PCSK6: variants seen among roughly 807,000 people sequenced by gnomAD.
PCSK6 encodes the protein paired basic amino acid cleaving enzyme 4.
In PCSK6, 85 loss-of-function variants were observed where a neutral mutation model predicts 123.3. That is an observed-to-expected ratio of 0.69 (90% CI 0.58 to 0.83). PCSK6 has a LOEUF of 0.83. Ranked by LOEUF, PCSK6 falls within the 40% of genes least tolerant of loss-of-function variation. The pLI is 0.00. For missense variants in PCSK6, 1,191 were observed against 1,282.3 expected (o/e 0.93, Z 1.09); for synonymous variants, 508 against 516.0 (o/e 0.98, Z 0.21).
chr15:101,412,714 A>T (rs2132197), intron 6 of PCSK6, among the ~76,000 whole-genome samples: 25,486 of 113,736 alleles, frequency 0.22, 2,786 homozygotes, highest in East Asian at 0.38. Flanking sequence ...TATATATATA[A>T]AATTACCCAA....
At chr15:101,332,126 A>G in intron 13 of PCSK6, 95 bp from the exon 14 acceptor site, 1 of 1,192,484 alleles carries the variant, frequency 8.4e-7, no homozygotes. Flanking sequence ...CTCCCCTGAT[A>G]GCTGGGCTCT....
chr15:101,335,023 G>A (rs542980190), intron 13 of PCSK6, among the ~76,000 whole-genome samples: 5 of 152,278 alleles, frequency 3.3e-5, no homozygotes, highest in African/African-American at 7.2e-5. Flanking sequence ...ACAGTGGTAC[G>A]ATCATGGCTC....
chr15:101,356,505 CAAAAAAA>C (rs34350017), intron 13 of PCSK6, among the ~76,000 whole-genome samples: 19 of 86,244 alleles, frequency 2.2e-4, no homozygotes, highest in Admixed American at 9.0e-4. Context: ...ACTAAAACTA[CAAAAAAA>C]AAAAAAAAAA....
chr15:101,347,180 T>C (rs1340538273), intron 13 of PCSK6: 8 of 1,231,796 alleles, frequency 6.5e-6, no homozygotes, highest in Non-Finnish European at 6.1e-6. Context: ...ACAGAAGGCA[T>C]GTGCTTTAAA....
intron 10 of PCSK6, among the ~76,000 whole-genome samples, chr15:101,382,471 G>A (rs2041938547): frequency 6.6e-6 from 1 of 152,204 alleles, no homozygotes; most frequent in Admixed American, 6.5e-5. Flanking sequence ...CAGAGTAGAA[G>A]TGCTGAGAAG....
intron 11 of PCSK6, among the ~76,000 whole-genome samples, chr15:101,371,736 C>A (rs1015596919): frequency 2.0e-5 from 3 of 152,226 alleles, no homozygotes; most frequent in African/African-American, 7.2e-5. Flanking sequence ...GCCTCCAGGC[C>A]TCGCTGCCTC....
At chr15:101,361,898 A>G (rs1374692074) in intron 13 of PCSK6, among the ~76,000 whole-genome samples, 1 of 151,776 alleles carries the variant, frequency 6.6e-6, no homozygotes, top group Non-Finnish European at 1.5e-5. Context: ...GAAGGAGACA[A>G]AGAAGAATTA....
chr15:101,429,503 C>T (rs2056375010), intron 5 of PCSK6, among the ~76,000 whole-genome samples: 1 of 152,148 alleles, frequency 6.6e-6, no homozygotes, highest in Non-Finnish European at 1.5e-5. Flanking sequence ...GCTCACCCGG[C>T]ATGCACGCAG....
At chr15:101,404,719 G>A (rs1020884541) in intron 6 of PCSK6, among the ~76,000 whole-genome samples, 1 of 152,162 alleles carries the variant, frequency 6.6e-6, no homozygotes, top group East Asian at 1.9e-4. Context: ...CTAAGTTGAG[G>A]CCCTGGCCCC....
rs143846301 is a variant in PCSK6, at chr15:101,408,255, T to G, written c.824-9679A>C. 3.4e-3 allele frequency among the ~76,000 whole-genome samples: 511 copies of G among 152,292 alleles called. 1 individual carries two copies. Among genetic ancestry groups the G allele is most frequent in the African/African-American group, 0.012 (498 of 41,554 alleles). ...GGACACGGACGGCGAAAAGGAGACG[T>G]TCATGCCGCCATGAACAAAGGCCAC... On this transcript the variant is annotated intron_variant, in intron 6 of 21. Transcript: ENST00000611716.
In PCSK6 at chr15:101,305,054, T is replaced by G; in HGVS notation, c.*204A>C. 1 of 560,446 alleles carries G rather than the reference T, an allele frequency of 1.8e-6. No homozygotes were observed. Among genetic ancestry groups the G allele is most frequent in the Non-Finnish European group, 3.2e-6 (1 of 313,080 alleles). The allele number at this position is 560,446 out of a possible 1,614,324, so 34.7% of individuals were successfully genotyped here. On this transcript the variant is annotated 3_prime_UTR_variant, in exon 22 of 22. Transcript: ENST00000611716. This position sits in a 1 kb window ranked among gnomAD's most constrained non-coding sequence, Gnocchi z 4.8. ...GGAAGACTGGAGCCAACAAGCAGCA[T>G]TTGAGAGGATATCACCATTTTAGGA... is the stretch of plus-strand genomic sequence containing the variant.
chr15:101,446,419 C>A (rs1193253519), intron 1 of PCSK6, among the ~76,000 whole-genome samples: 2 of 152,262 alleles, frequency 1.3e-5, no homozygotes, highest in Non-Finnish European at 2.9e-5. Flanking sequence ...GTGGATTACT[C>A]CCACTGCTTG....
rs1352106406 is a variant in PCSK6 at position 101,304,886 on chromosome 15, A to C, written c.*372T>G. 2 of 188,504 alleles carry C rather than the reference A, an allele frequency of 1.1e-5. No homozygotes were observed. The highest frequency in any genetic ancestry group is 2.2e-5 in the Non-Finnish European group (2 of 90,518). 11.7% of individuals were successfully genotyped at this position (188,504 alleles called of 1,614,324 possible). The stretch of plus-strand genomic sequence containing the variant: ...ATTTACTACACAGCCGCAGAAAAGC[A>C]CGGGGAGAAGAGTGATGTGTGATGC... On this transcript the variant is annotated 3_prime_UTR_variant, in exon 22 of 22. Transcript: ENST00000611716.
At chr15:101,483,532 C>T (rs1415567865) in intron 1 of PCSK6, among the ~76,000 whole-genome samples, 1 of 152,168 alleles carries the variant, frequency 6.6e-6, no homozygotes, top group Non-Finnish European at 1.5e-5. Flanking sequence ...AAGCAAAAAC[C>T]CAAGGGAAAG....
intron 20 of PCSK6, among the ~76,000 whole-genome samples, chr15:101,310,843 A>G (rs897082368): frequency 6.6e-6 from 1 of 152,194 alleles, no homozygotes; most frequent in Non-Finnish European, 1.5e-5. Flanking sequence ...GCTGGCAGCC[A>G]GCCATGGGCA....
rs375284044 is a variant in PCSK6, at chr15:101,366,207, G to A, written c.1847C>T (p.Pro616Leu). 5.1e-5 allele frequency: 83 copies of A among 1,612,116 alleles called. No homozygotes were observed. Among genetic ancestry groups the A allele is most frequent in the Non-Finnish European group, 6.5e-5 (77 of 1,179,066 alleles). The change falls in exon 13 of 22, where the codon CCG becomes CTG. Residue 616 changes from proline to leucine, a missense_variant. Around this residue, in one of 3 missense-constraint regions of PCSK6, gnomAD observed 630 missense variants for 631.4 expected, o/e 1.00. Transcript: ENST00000611716. ...CAAGAGCCACTGACCTTGCTTCTCC[G>A]GGTTGCGGACCTGGGATGGCAGATC... Reference protein sequence around the residue: ...IQDLPSQVRNPEKQGKLKEWS... With the variant: ...IQDLPSQVRNLEKQGKLKEWS...
At chr15:101,449,411 C>G (rs1432264628) in intron 1 of PCSK6, among the ~76,000 whole-genome samples, 3 of 151,718 alleles carry the variant, frequency 2.0e-5, no homozygotes, top group African/African-American at 7.3e-5. Flanking sequence ...TGTATTCAGG[C>G]GTGTGTGTGT....
intron 1 of PCSK6, among the ~76,000 whole-genome samples, chr15:101,485,943 C>T (rs1245400032): frequency 6.6e-6 from 1 of 151,216 alleles, no homozygotes; most frequent in East Asian, 1.9e-4. Context: ...CAACGCATCT[C>T]TCCATTTATT....
At chr15:101,430,194 T>C (rs2056403331) in intron 4 of PCSK6, 131 bp from the exon 5 acceptor site, 1 of 685,464 alleles carries the variant, frequency 1.5e-6, no homozygotes, top group South Asian at 1.7e-5. Context: ...TATAATCTCA[T>C]ATACGTTTTT....
Sources: gnomAD v4.1 joint callset for allele counts (sites outside exome capture counted in the v4.1 genomes callset) on GRCh38, gnomAD v4.1.1 for gene constraint, gnomAD v4.1.1 regional missense constraint, Gnocchi (gnomAD v3.1) non-coding constraint, MANE v1.5 for transcripts, NCBI Gene and HGNC (gene_info 2026-07-23, HGNC 2026-07-21) for gene names.